CUL5: variants seen among roughly 807,000 people sequenced by gnomAD.
CUL5 encodes the protein cullin 5, also known as cullin-5.
Under a neutral mutation model 108.8 loss-of-function variants are expected in CUL5, and 26 were observed. That is an observed-to-expected ratio of 0.24 (90% CI 0.18 to 0.33). The LOEUF is 0.33. CUL5 is among the 10% of genes least tolerant of loss of function. The pLI, the probability that CUL5 is intolerant of heterozygous loss-of-function variation, is 1.00. For missense variants in CUL5, 524 were observed against 909.2 expected (o/e 0.58, Z 5.45); for synonymous variants, 334 against 298.0 (o/e 1.12, Z -1.25).
In CUL5 at chr11:108,107,243, T is replaced by G. The variant is rs1864825259; in HGVS notation, c.*2859T>G. 1 of 152,360 alleles carries G rather than the reference T, an allele frequency of 6.6e-6. No individual in the cohort carries two copies. Among genetic ancestry groups the G allele is most frequent in the Admixed American group, 6.6e-5 (1 of 15,264 alleles). 9.4% of individuals were successfully genotyped at this position (152,360 alleles called of 1,614,324 possible). A position where few individuals can be genotyped will look rare whatever the true frequency, so the allele number is the denominator to read the frequency against. On this transcript the variant is annotated 3_prime_UTR_variant, in exon 19 of 19. Transcript: ENST00000393094. ...AAATGAAATGTTAGCTTTCTTTCTT[T>G]TACTTTTTATTAAATTTAATAGAAA... is the stretch of plus-strand genomic sequence containing the variant.
At chr11:108,068,312 T>C (rs1409497052) in intron 7 of CUL5, among the ~76,000 whole-genome samples, 1 of 151,860 alleles carries the variant, frequency 6.6e-6, no homozygotes, top group East Asian at 1.9e-4. Context: ...AAAAAACCTT[T>C]TTTTTTGTTT....
At chr11:108,093,529 T>C (rs749572071) in intron 13 of CUL5, among the ~76,000 whole-genome samples, 1 of 152,208 alleles carries the variant, frequency 6.6e-6, no homozygotes, top group East Asian at 1.9e-4. Flanking sequence ...TTATCACTTT[T>C]CATTTCCTGT....
Position 108,104,424 on chromosome 11 carries a change from G to A in CUL5, c.*40G>A. On this transcript the variant is annotated 3_prime_UTR_variant, in exon 19 of 19. Coordinates refer to ENST00000393094, the MANE Select transcript of CUL5 (RefSeq NM_003478.6). ...GACAATATTTAGAACCCAAATTTTG[G>A]AGTGCTTGGGCAGAAAGTTGTAAAG... The A allele has an allele frequency of 1.5e-6, 2 of 1,302,216 alleles. No individual in the cohort carries two copies. Among genetic ancestry groups the A allele is most frequent in the Non-Finnish European group, 2.1e-6 (2 of 965,672 alleles). The allele number at this position is 1,302,216 out of a possible 1,614,324, so 80.7% of individuals were successfully genotyped here. A position where few individuals can be genotyped will look rare whatever the true frequency, so the allele number is the denominator to read the frequency against.
intron 1 of CUL5, among the ~76,000 whole-genome samples, chr11:108,020,120 G>C (rs2135050897): frequency 6.6e-6 from 1 of 152,144 alleles, no homozygotes; most frequent in South Asian, 2.1e-4. Flanking sequence ...ACAACATTGG[G>C]GATCAAATTT....
chr11:108,014,692 C>T (rs532096037), intron 1 of CUL5, among the ~76,000 whole-genome samples: 10 of 152,176 alleles, frequency 6.6e-5, no homozygotes, highest in South Asian at 2.1e-4. Flanking sequence ...ATTCATTGAA[C>T]GAGAATTTAG....
rs575951414 is a variant in CUL5 at position 108,009,255 on chromosome 11, C to G, written c.-94C>G. On this transcript the variant is annotated 5_prime_UTR_variant, in exon 1 of 19. Transcript: ENST00000393094. Reference sequence around the variant, plus strand: ...ACACCCTGGTGCGGGCCGACGGGCCCTGGGCCCTGGTGGGAGCTCCGGCCT... The same window carrying G: ...ACACCCTGGTGCGGGCCGACGGGCCGTGGGCCCTGGTGGGAGCTCCGGCCT... The G allele has an allele frequency of 3.5e-6, 5 of 1,436,232 alleles. No homozygotes were observed. In the Admixed American group the frequency reaches 5.4e-5, roughly 15 times the overall value. The allele number at this position is 1,436,232 out of a possible 1,614,324, so 89.0% of individuals were successfully genotyped here.
chr11:108,037,201 G>T (rs908851037), intron 2 of CUL5, among the ~76,000 whole-genome samples: 1 of 152,064 alleles, frequency 6.6e-6, no homozygotes, highest in African/African-American at 2.4e-5. Context: ...ACTGCCAGGG[G>T]AATGAGGTAG....
chr11:108,085,412 C>G (rs1864194616), intron 11 of CUL5, among the ~76,000 whole-genome samples: 1 of 151,360 alleles, frequency 6.6e-6, no homozygotes, highest in African/African-American at 2.4e-5. Flanking sequence ...TAAAAGTTAC[C>G]AGGGGATGGG....
At chr11:108,045,179 G>A (rs1430526023) in intron 2 of CUL5, among the ~76,000 whole-genome samples, 4 of 152,178 alleles carry the variant, frequency 2.6e-5, no homozygotes, top group Admixed American at 6.5e-5. Flanking sequence ...CTGAGTTTTT[G>A]TATATCAATT....
rs372811412 is a variant in CUL5 at position 108,073,512 on chromosome 11, A to G, written c.1113+15A>G. The G allele has an allele frequency of 2.2e-5, 26 of 1,208,932 alleles. No individual in the cohort carries two copies. The highest frequency in any genetic ancestry group is 9.3e-5 in the Admixed American group (4 of 42,990). 74.9% of individuals were successfully genotyped at this position (1,208,932 alleles called of 1,614,324 possible). ...CAAGAGATAAGGTATATATTCCTAT[A>G]TATATAAAAAACACTTTTAAAAGTT... On this transcript the variant is annotated intron_variant, in intron 10 of 18. Transcript: ENST00000393094.
In CUL5 at chr11:108,094,502, T is replaced by C; in HGVS notation, c.1555T>C (p.Leu519=). Residue 519 remains leucine, a synonymous_variant, in exon 14 of 19, where the codon TTG becomes CTG. Coordinates refer to ENST00000393094, the MANE Select transcript of CUL5 (RefSeq NM_003478.6). The part of the protein sequence containing the change: ...AFKEMHKNNK[L]ALPADSVNIK... ...TAAGGAAATGCACAAAAATAATAAA[T>C]TGGCATTACCAGGTATTATTTTATA... 1 of 1,437,538 alleles carries C rather than the reference T, an allele frequency of 7.0e-7. No homozygotes were observed. Among genetic ancestry groups the C allele is most frequent in the Non-Finnish European group, 9.6e-7 (1 of 1,043,328 alleles). The allele number at this position is 1,437,538 out of a possible 1,614,324, so 89.0% of individuals were successfully genotyped here. A position where few individuals can be genotyped will look rare whatever the true frequency, so the allele number is the denominator to read the frequency against.
At chr11:108,009,401 A>C in intron 1 of CUL5, 29 bp downstream of exon 1, 3 of 1,613,114 alleles carry the variant, frequency 1.9e-6, no homozygotes, top group Non-Finnish European at 2.5e-6. Context: ...CTTGGGTTTT[A>C]CTGTGTGGCC....
At chr11:108,057,758 A>C (rs1162351365) in intron 7 of CUL5, among the ~76,000 whole-genome samples, 3 of 152,182 alleles carry the variant, frequency 2.0e-5, no homozygotes, top group Non-Finnish European at 4.4e-5. Flanking sequence ...AACTGGTGAA[A>C]TGAATAAGAC....
At chr11:108,090,840 C>T (rs944033762) in intron 13 of CUL5, among the ~76,000 whole-genome samples, 5 of 152,094 alleles carry the variant, frequency 3.3e-5, no homozygotes, top group East Asian at 1.9e-4. Flanking sequence ...GCTAGCCCTT[C>T]GCATGGAACT....
intron 1 of CUL5, among the ~76,000 whole-genome samples, chr11:108,022,195 G>C (rs1591276188): frequency 6.6e-6 from 1 of 152,198 alleles, no homozygotes; most frequent in Non-Finnish European, 1.5e-5. Flanking sequence ...ATTTGATGTG[G>C]TATGTTTTGT....
At chr11:108,068,741 A>G (rs1270420754) in intron 7 of CUL5, among the ~76,000 whole-genome samples, 1 of 152,186 alleles carries the variant, frequency 6.6e-6, no homozygotes, top group African/African-American at 2.4e-5. Context: ...AAATAATTAC[A>G]TGACACGAGG....
chr11:108,097,326 AAATT>A (rs756669235), intron 16 of CUL5, among the ~76,000 whole-genome samples: 5 of 152,174 alleles, frequency 3.3e-5, no homozygotes, highest in African/African-American at 9.7e-5. Flanking sequence ...TGAAGTTCCA[AAATT>A]AATTATTACC....
intron 1 of CUL5, among the ~76,000 whole-genome samples, chr11:108,031,530 G>A (rs1227058602): frequency 6.6e-6 from 1 of 152,172 alleles, no homozygotes; most frequent in Non-Finnish European, 1.5e-5. Flanking sequence ...AGTTATCCCA[G>A]CACCATTTAT....
intron 2 of CUL5, among the ~76,000 whole-genome samples, chr11:108,042,874 T>C (rs1228751448): frequency 6.6e-6 from 1 of 150,512 alleles, no homozygotes; most frequent in Admixed American, 6.8e-5. Flanking sequence ...GCGATTCCCT[T>C]GCCTTAGCCT....
Sources: allele counts gnomAD v4.1 joint callset (sites outside exome capture counted in the v4.1 genomes callset), GRCh38; gene constraint gnomAD v4.1.1; transcripts MANE v1.5; gene names NCBI Gene and HGNC (gene_info 2026-07-23, HGNC 2026-07-21).